NDST4: variants seen among roughly 807,000 people sequenced by gnomAD.
NDST4 encodes the protein N-deacetylase and N-sulfotransferase 4, also known as N-heparan sulfate sulfotransferase 4.
Under a neutral mutation model 100.8 loss-of-function variants are expected in NDST4, and 63 were observed. The ratio of observed to expected loss-of-function variants is 0.62; its 90% CI spans 0.51 to 0.77. NDST4 has a LOEUF of 0.77. Ranked by LOEUF, NDST4 falls within the 30% of genes least tolerant of loss-of-function variation. The pLI is 0.00. For missense variants in NDST4, 943 were observed against 1,018.4 expected, an observed-to-expected ratio of 0.93 and a Z score of 1.01; for synonymous variants, 377 against 361.8, an observed-to-expected ratio of 1.04 and a Z score of -0.48.
intron 6 of NDST4, among the ~76,000 whole-genome samples, chr4:114,930,906 G>A (rs1246404105): frequency 6.6e-6 from 1 of 151,600 alleles, no homozygotes; most frequent in African/African-American, 2.4e-5. Flanking sequence ...CACACAAAAG[G>A]GTCAAGTTCT....
intron 1 of NDST4, among the ~76,000 whole-genome samples, chr4:115,079,602 G>GAT (rs1225769344): frequency 3.3e-5 from 5 of 152,004 alleles, no homozygotes; most frequent in African/African-American, 1.2e-4. Flanking sequence ...ATCAATGTGT[G>GAT]ATATATATAT....
At chr4:114,856,802 T>C (rs1347781010) in intron 7 of NDST4, among the ~76,000 whole-genome samples, 2 of 152,230 alleles carry the variant, frequency 1.3e-5, no homozygotes, top group African/African-American at 4.8e-5. Context: ...CCTCAGAGGA[T>C]GGAAGACAAG....
chr4:115,084,879 C>T (rs549898206), intron 1 of NDST4, among the ~76,000 whole-genome samples: 509 of 13,380 alleles, frequency 0.038, 7 homozygotes, highest in African/African-American at 0.38. Flanking sequence ...TTGTAGCCAC[C>T]CCCCCCACAG....
At chr4:115,001,217 T>G (rs2126255863) in intron 2 of NDST4, among the ~76,000 whole-genome samples, 1 of 152,238 alleles carries the variant, frequency 6.6e-6, no homozygotes, top group South Asian at 2.1e-4. Context: ...AGCACCTTGG[T>G]TTTCTGGCAT....
chr4:115,052,382 G>A (rs932449079), intron 2 of NDST4, among the ~76,000 whole-genome samples: 4 of 152,050 alleles, frequency 2.6e-5, no homozygotes, highest in Non-Finnish European at 5.9e-5. Context: ...TAGTTTGTCA[G>A]GATAAAGTAC....
chr4:114,939,724 A>G (rs1331468223), intron 4 of NDST4, among the ~76,000 whole-genome samples: 1 of 151,712 alleles, frequency 6.6e-6, no homozygotes, highest in Admixed American at 6.6e-5. Context: ...GGTGAGTAGG[A>G]AGGAAGGGCA....
chr4:114,867,820 T>C (rs1724067708), intron 7 of NDST4, among the ~76,000 whole-genome samples: 1 of 152,126 alleles, frequency 6.6e-6, no homozygotes, highest in Non-Finnish European at 1.5e-5. Flanking sequence ...AAGGATACAG[T>C]CTGGGGATTG....
intron 2 of NDST4, among the ~76,000 whole-genome samples, chr4:115,033,127 A>ATG (rs201380744): frequency 5.1e-5 from 5 of 98,650 alleles, no homozygotes; most frequent in Non-Finnish European, 9.0e-5. Flanking sequence ...TTATATATAT[A>ATG]TGTGTATATA....
intron 8 of NDST4, among the ~76,000 whole-genome samples, chr4:114,849,799 G>C (rs923825617): frequency 6.6e-6 from 1 of 152,198 alleles, no homozygotes; most frequent in Non-Finnish European, 1.5e-5. Flanking sequence ...GAAGGAGACA[G>C]AACTGGTTAA....
intron 2 of NDST4, among the ~76,000 whole-genome samples, chr4:114,986,827 TATA>T (rs1726921050): frequency 1.6e-5 from 2 of 128,516 alleles, no homozygotes; most frequent in Admixed American, 8.0e-5. Context: ...TATATATATA[TATA>T]TATTTTAATA....
chr4:114,921,648 G>A (rs867599670), intron 6 of NDST4, among the ~76,000 whole-genome samples: 22 of 151,938 alleles, frequency 1.4e-4, no homozygotes, highest in African/African-American at 4.3e-4. Context: ...TATTTCTCCC[G>A]TTTTATAGAC....
intron 1 of NDST4, among the ~76,000 whole-genome samples, chr4:115,090,043 G>A: frequency 6.6e-6 from 1 of 151,558 alleles, no homozygotes; most frequent in East Asian, 1.9e-4. Flanking sequence ...CAGTATTATT[G>A]CAGTATTATT....
At position 114,970,406 on chromosome 4, in the gene NDST4, G is replaced by A. The variant is rs1361102105; in HGVS notation, c.1221+24C>T. ...CAAGATCACAACTTATAGTTCAAAA[G>A]ATACCACAATAAAATGTGCTCACCA... On this transcript the variant is annotated intron_variant, in intron 4 of 13. Transcript: ENST00000264363. 1.9e-6 allele frequency: 3 copies of A among 1,596,212 alleles called. No individual in the cohort carries two copies. In the Admixed American group the frequency reaches 5.1e-5, roughly 27 times the overall value.
In NDST4 at chr4:114,979,829, A is replaced by G. The variant is rs114686349; in HGVS notation, c.979-2555T>C. On this transcript the variant is annotated intron_variant, in intron 2 of 13. Coordinates refer to ENST00000264363, the MANE Select transcript of NDST4 (RefSeq NM_022569.3). ...TGAGGGAGTAAAAATGACAAATTCT[A>G]TAAGTAAAAACAAAACGAATGAAAA... 5.0e-3 allele frequency among the ~76,000 whole-genome samples: 759 copies of G among 152,070 alleles called. 11 individuals carry two copies. Among genetic ancestry groups the G allele is most frequent in the African/African-American group, 0.017 (716 of 41,392 alleles).
rs950197780 is a variant in NDST4 at position 114,990,207 on chromosome 4, T to C, written c.979-12933A>G. 2.6e-5 allele frequency among the ~76,000 whole-genome samples: 4 copies of C among 152,088 alleles called. No individual in the cohort carries two copies. The East Asian group carries it at 5.8e-4, about 22-fold the overall frequency. On this transcript the variant is annotated intron_variant, in intron 2 of 13. Transcript: ENST00000264363. ...GGTTCATTGTGGAGGAAATATCAAA[T>C]TGAAACAAATTTCTAATTTTACATA...
intron 6 of NDST4, among the ~76,000 whole-genome samples, chr4:114,889,064 T>A (rs578237725): frequency 2.0e-5 from 3 of 152,332 alleles, no homozygotes; most frequent in Non-Finnish European, 4.4e-5. Context: ...GATATTATCA[T>A]GCTTTCTCAA....
chr4:115,062,926 T>C (rs1253921896), intron 2 of NDST4, among the ~76,000 whole-genome samples: 2 of 151,930 alleles, frequency 1.3e-5, no homozygotes, highest in Non-Finnish European at 2.9e-5. Flanking sequence ...AACATATTTA[T>C]ATAAATTCAA....
At chr4:115,031,019 C>T (rs536411736) in intron 2 of NDST4, among the ~76,000 whole-genome samples, 2 of 152,218 alleles carry the variant, frequency 1.3e-5, no homozygotes, top group African/African-American at 4.8e-5. Context: ...TTATCTCCTG[C>T]TTCTCTAATA....
chr4:115,081,697 T>G (rs1729306703), intron 1 of NDST4, among the ~76,000 whole-genome samples: 4 of 152,184 alleles, frequency 2.6e-5, no homozygotes, highest in African/African-American at 9.6e-5. Context: ...TATTTTTAAG[T>G]AGTCTAAGGT....
Sources: gnomAD v4.1 joint callset for allele counts (sites outside exome capture counted in the v4.1 genomes callset) on GRCh38, gnomAD v4.1.1 for gene constraint, MANE v1.5 for transcripts, NCBI Gene and HGNC (gene_info 2026-07-23, HGNC 2026-07-21) for gene names.